The following CNTN3 variants were observed in gnomAD, a reference collection of about 807,000 sequenced individuals.
The protein encoded by CNTN3 is contactin 3.
CNTN3 carries 60 observed loss-of-function variants against 119.1 expected under a neutral mutation model. The ratio of observed to expected loss-of-function variants is 0.50; its 90% CI spans 0.41 to 0.62. The LOEUF (loss-of-function observed/expected upper bound fraction) is 0.62, where lower values mean the gene tolerates loss of function less well. CNTN3 is among the 20% of genes least tolerant of loss of function. The pLI is 0.00. For synonymous variants in CNTN3, 450 were observed against 438.7 expected, an observed-to-expected ratio of 1.03 and a Z score of -0.32; for missense variants, 1,101 against 1,242.4, an observed-to-expected ratio of 0.89 and a Z score of 1.71.
chr3:74,577,231 A>G (rs189774671), intron 1 of CNTN3, among the ~76,000 whole-genome samples: 2 of 152,322 alleles, frequency 1.3e-5, no homozygotes, highest in Admixed American at 1.3e-4. Flanking sequence ...TGAGTATCAA[A>G]TGCTTCCATG....
chr3:74,279,745 T>C (rs1014145248), intron 20 of CNTN3, among the ~76,000 whole-genome samples: 1 of 152,058 alleles, frequency 6.6e-6, no homozygotes, highest in African/African-American at 2.4e-5. Flanking sequence ...CTAAAAAACT[T>C]ACTCATATAA....
intron 1 of CNTN3, among the ~76,000 whole-genome samples, chr3:74,570,370 T>C (rs1053438765): frequency 6.6e-6 from 1 of 152,082 alleles, no homozygotes; most frequent in African/African-American, 2.4e-5. Context: ...TATTAACCTC[T>C]TACTACAGAG....
chr3:74,430,888 G>A (rs545009511), intron 4 of CNTN3, among the ~76,000 whole-genome samples: 141 of 152,052 alleles, frequency 9.3e-4, no homozygotes, highest in South Asian at 2.3e-3. Flanking sequence ...CTTCCCCCAC[G>A]TTACCTACAG....
intron 5 of CNTN3, among the ~76,000 whole-genome samples, chr3:74,378,332 G>T (rs1704528170): frequency 6.6e-6 from 1 of 152,212 alleles, no homozygotes; most frequent in African/African-American, 2.4e-5. Context: ...CTATCAGCAT[G>T]TTTAACATTT....
intron 5 of CNTN3, among the ~76,000 whole-genome samples, chr3:74,396,867 G>T (rs1575686346): frequency 6.6e-6 from 1 of 152,114 alleles, no homozygotes; most frequent in Non-Finnish European, 1.5e-5. Context: ...CAAGTGCAAG[G>T]TGAAACAGCA....
intron 3 of CNTN3, among the ~76,000 whole-genome samples, chr3:74,488,014 ATAAT>A (rs1702890086): frequency 6.7e-6 from 1 of 148,864 alleles, no homozygotes; most frequent in Non-Finnish European, 1.5e-5. Context: ...ATATTTATAT[ATAAT>A]TATACTGTAT....
At chr3:74,546,678 T>G (rs981764548) in intron 1 of CNTN3, among the ~76,000 whole-genome samples, 1 of 152,188 alleles carries the variant, frequency 6.6e-6, no homozygotes, top group Non-Finnish European at 1.5e-5. Context: ...GACCACAGAC[T>G]GAAGCCTGCA....
chr3:74,451,853 T>A (rs2106950407), intron 4 of CNTN3, among the ~76,000 whole-genome samples: 1 of 147,332 alleles, frequency 6.8e-6, no homozygotes. Context: ...CTGAGGGCTC[T>A]GTTCTGTTCC....
chr3:74,547,556 C>T lies in CNTN3; in HGVS notation c.-80-26364G>A, dbSNP rs550803100. ...ACTTTTTTACTTTTGCTATGACCAT[C>T]CTGAATTTGAGCATCTTTTTACACA... On this transcript the variant is annotated intron_variant, in intron 1 of 22. Coordinates refer to ENST00000263665, the MANE Select transcript of CNTN3 (RefSeq NM_020872.3). 3.9e-5 allele frequency among the ~76,000 whole-genome samples: 6 copies of T among 152,242 alleles called. No homozygotes were observed. In the East Asian group the frequency reaches 9.6e-4, roughly 24 times the overall value.
intron 2 of CNTN3, among the ~76,000 whole-genome samples, chr3:74,509,678 C>T (rs1438540832): frequency 3.3e-5 from 5 of 152,022 alleles, no homozygotes; most frequent in Admixed American, 1.3e-4. Flanking sequence ...TGAGTTAAAC[C>T]GGAATCTCTC....
chr3:74,442,849 A>T (rs1226258570), intron 4 of CNTN3, among the ~76,000 whole-genome samples: 1 of 152,234 alleles, frequency 6.6e-6, no homozygotes, highest in African/African-American at 2.4e-5. Context: ...TTTGGAGATG[A>T]AACTGTTGCA....
chr3:74,425,058 ATTT>A, intron 4 of CNTN3, 118 bp from the exon 5 acceptor site: 1 of 641,744 alleles, frequency 1.6e-6, no homozygotes, highest in East Asian at 2.9e-5. Context: ...TTCTTTAAAA[ATTT>A]TTATTTTTAT....
At chr3:74,406,805 A>G (rs1232311098) in intron 5 of CNTN3, among the ~76,000 whole-genome samples, 2 of 152,190 alleles carry the variant, frequency 1.3e-5, no homozygotes, top group African/African-American at 4.8e-5. Flanking sequence ...AAATATAAAT[A>G]ACAGCACATT....
chr3:74,367,362 T>C (rs1260200733), intron 8 of CNTN3, among the ~76,000 whole-genome samples: 4 of 152,136 alleles, frequency 2.6e-5, no homozygotes, highest in Non-Finnish European at 5.9e-5. Context: ...CCTCTCTTCC[T>C]TATTCCTAAA....
In CNTN3 at chr3:74,299,868, A is replaced by G; in HGVS notation, c.2166T>C (p.Asp722=). 1 of 1,605,686 alleles carries G rather than the reference A, an allele frequency of 6.2e-7. No individual in the cohort carries two copies. Among genetic ancestry groups the G allele is most frequent in the East Asian group, 2.2e-5 (1 of 44,470 alleles). The change falls in exon 17 of 23, where the codon GAT becomes GAC. Residue 722 remains aspartate, a splice_region_variant and synonymous_variant. Transcript: ENST00000263665. ...GSRSELVITW[D]PVPEELQNGE... ...GGGAAGATGCTGCCCAAACACTTACATCCCAGGTTATCACAAGTTCAGACC... is the reference window on the plus strand; with the variant it reads ...GGGAAGATGCTGCCCAAACACTTACGTCCCAGGTTATCACAAGTTCAGACC...
intron 4 of CNTN3, among the ~76,000 whole-genome samples, chr3:74,441,121 A>G (rs992712865): frequency 3.9e-5 from 6 of 152,156 alleles, no homozygotes; most frequent in Non-Finnish European, 8.8e-5. Context: ...GGAATAATTA[A>G]AATTATATGT....
intron 11 of CNTN3, among the ~76,000 whole-genome samples, chr3:74,338,694 T>C (rs1041734591): frequency 2.6e-5 from 4 of 152,100 alleles, no homozygotes; most frequent in African/African-American, 9.7e-5. Context: ...AGGTTCATGA[T>C]CCTGGGTACA....
chr3:74,447,925 C>T (rs1466444812), intron 4 of CNTN3, among the ~76,000 whole-genome samples: 1 of 152,164 alleles, frequency 6.6e-6, no homozygotes, highest in Non-Finnish European at 1.5e-5. Context: ...GGGAATAACT[C>T]ATTCTGGCAG....
intron 1 of CNTN3, among the ~76,000 whole-genome samples, chr3:74,526,704 T>C (rs1440544336): frequency 6.6e-6 from 1 of 151,836 alleles, no homozygotes; most frequent in Non-Finnish European, 1.5e-5. Flanking sequence ...TTACCTTCCA[T>C]ACCCACAGTT....
Sources: gnomAD v4.1 joint callset for allele counts (sites outside exome capture counted in the v4.1 genomes callset) on GRCh38, gnomAD v4.1.1 for gene constraint, MANE v1.5 for transcripts, NCBI Gene and HGNC (gene_info 2026-07-23, HGNC 2026-07-21) for gene names.